KICS2: variants seen among roughly 807,000 people sequenced by gnomAD.
KICS2 encodes KICSTOR complex protein C12orf66.
Under a neutral mutation model 31.4 loss-of-function variants are expected in KICS2, and 13 were observed. The ratio of observed to expected loss-of-function variants is 0.41; its 90% confidence interval spans 0.27 to 0.66. KICS2 has a LOEUF of 0.66. KICS2 is among the 30% of genes least tolerant of loss of function. The pLI is 0.28. For missense variants in KICS2, 455 were observed against 545.4 expected, an observed-to-expected ratio of 0.83 and a Z score of 1.65; for synonymous variants, 209 against 214.8, an observed-to-expected ratio of 0.97 and a Z score of 0.24.
In KICS2 at chr12:64,191,392, T is replaced by C. The variant is rs963648058; in HGVS notation, c.*2450A>G. On this transcript the variant is annotated 3_prime_UTR_variant, in exon 3 of 3. Coordinates refer to ENST00000398055, the MANE Select transcript of KICS2 (RefSeq NM_152440.5). ...TTGTGTTTATGTTTAAAAATAGATA[T>C]ACAATTCAAATATGTTCTAGGTGAG... is the stretch of plus-strand genomic sequence containing the variant. The C allele has an allele frequency of 6.6e-6, 1 of 152,252 alleles. No homozygotes were observed. The highest frequency in any genetic ancestry group is 2.1e-4 in the South Asian group (1 of 4,834). 9.4% of individuals were successfully genotyped at this position (152,252 alleles called of 1,614,324 possible).
intron 2 of KICS2, among the ~76,000 whole-genome samples, chr12:64,195,908 C>A (rs1256680230): frequency 6.6e-6 from 1 of 152,206 alleles, no homozygotes; most frequent in Admixed American, 6.5e-5. Context: ...TAAAAAACGG[C>A]GCACCACGAG....
rs1423401209 is a variant in KICS2 at position 64,192,910 on chromosome 12, C to T, written c.*932G>A. Reference sequence around the variant, plus strand: ...CACAGTTGATTTTTAGCAAGTACAGCGTATGAAGACCTTCATTTTGATTTT... The same window carrying T: ...CACAGTTGATTTTTAGCAAGTACAGTGTATGAAGACCTTCATTTTGATTTT... On this transcript the variant is annotated 3_prime_UTR_variant, in exon 3 of 3. Coordinates refer to ENST00000398055, the MANE Select transcript of KICS2 (RefSeq NM_152440.5). 6 of 985,232 alleles carry T rather than the reference C, an allele frequency of 6.1e-6. No individual in the cohort carries two copies. The highest frequency in any genetic ancestry group is 1.1e-4 in the East Asian group (1 of 8,826). 61.0% of individuals were successfully genotyped at this position (985,232 alleles called of 1,614,324 possible). A position where few individuals can be genotyped will look rare whatever the true frequency, so the allele number is the denominator to read the frequency against.
At chr12:64,190,189 C>G (rs942151322), downstream of KICS2, among the ~76,000 whole-genome samples, 1 of 152,142 alleles carries the variant, frequency 6.6e-6, no homozygotes. Flanking sequence ...AGGAAAGGTG[C>G]CAAATTTAAG....
chr12:64,201,477 G>A (rs1346858635), intron 2 of KICS2, among the ~76,000 whole-genome samples: 1 of 90,634 alleles, frequency 1.1e-5, no homozygotes, highest in African/African-American at 4.4e-5. Context: ...AGGGGGGAGG[G>A]ATAGCATTGG....
At chr12:64,221,294 T>C (rs1333119477) in intron 1 of KICS2, among the ~76,000 whole-genome samples, 2 of 152,228 alleles carry the variant, frequency 1.3e-5, no homozygotes, top group Non-Finnish European at 2.9e-5. Context: ...AATTAAGCAG[T>C]AATATTATTT....
Position 64,194,570 on chromosome 12 carries a change from C to G in KICS2, c.610G>C (p.Val204Leu), listed in dbSNP as rs762325973. ...LCHLLKAQAQ[V>L]SEWKFLPSLV... The stretch of plus-strand genomic sequence containing the variant: ...GATGGGAGGAACTTCCACTCTGAGA[C>G]CTGGGCCTGGGCTTTCAGGAGATGA... The change falls in exon 3 of 3, where the codon GTC becomes CTC. Residue 204 changes from valine (V) to leucine (L), a missense_variant. Val to Leu is a conservative substitution (Grantham distance 32). Transcript: ENST00000398055. The G allele has an allele frequency of 3.1e-6, 5 of 1,614,134 alleles. No homozygotes were observed. Among genetic ancestry groups the G allele is most frequent in the Non-Finnish European group, 4.2e-6 (5 of 1,180,040 alleles).
At position 64,206,086 on chromosome 12, in the gene KICS2, T is replaced by C. The variant is rs1452267711; in HGVS notation, c.521+9592A>G. Among the ~76,000 whole-genome samples, 4 of 152,198 alleles carry C rather than the reference T, an allele frequency of 2.6e-5. 1 individual carries two copies. On this transcript the variant is annotated intron_variant, in intron 2 of 2. Coordinates refer to ENST00000398055, the MANE Select transcript of KICS2 (RefSeq NM_152440.5). ...GGCACACACCACAACACCCAGCTAA[T>C]TTTTAAATTTTTTTGTAGAGACAGG... is the stretch of plus-strand genomic sequence containing the variant.
downstream of KICS2, among the ~76,000 whole-genome samples, chr12:64,190,010 C>T (rs1348595806): frequency 6.6e-6 from 1 of 152,046 alleles, no homozygotes; most frequent in African/African-American, 2.4e-5. Flanking sequence ...TAAAATGATG[C>T]TATCAACCAA....
In KICS2 at chr12:64,192,165, C is replaced by T. The variant is rs575005905; in HGVS notation, c.*1677G>A. ...TTTTGAGACAGGTCTCGCTCTTTCA[C>T]CCAGGCTGGAGTGCAGCTGCACAGT... On this transcript the variant is annotated 3_prime_UTR_variant, in exon 3 of 3. Transcript: ENST00000398055. 1 of 151,160 alleles carries T rather than the reference C, an allele frequency of 6.6e-6. No homozygotes were observed. Among genetic ancestry groups the T allele is most frequent in the East Asian group, 1.9e-4 (1 of 5,138 alleles). 9.4% of individuals were successfully genotyped at this position (151,160 alleles called of 1,614,324 possible). A position where few individuals can be genotyped will look rare whatever the true frequency, so the allele number is the denominator to read the frequency against.
rs1049885244 is a variant in KICS2 at position 64,193,664 on chromosome 12, A to C, written c.*178T>G. 41 of 1,417,732 alleles carry C rather than the reference A, an allele frequency of 2.9e-5. No homozygotes were observed. The highest frequency in any genetic ancestry group is 4.3e-5 in the African/African-American group (3 of 69,462). 87.8% of individuals were successfully genotyped at this position (1,417,732 alleles called of 1,614,324 possible). ...GACCACTTCCTAGATTACTCTTTGGAAACTTAATTCAATTGGCCTTAATTG... is the reference window on the plus strand; with the variant it reads ...GACCACTTCCTAGATTACTCTTTGGCAACTTAATTCAATTGGCCTTAATTG... On this transcript the variant is annotated 3_prime_UTR_variant, in exon 3 of 3. Coordinates refer to ENST00000398055, the MANE Select transcript of KICS2 (RefSeq NM_152440.5).
intron 2 of KICS2, among the ~76,000 whole-genome samples, chr12:64,211,618 TA>T (rs1268195354): frequency 6.6e-6 from 1 of 151,476 alleles, no homozygotes; most frequent in Non-Finnish European, 1.5e-5. Context: ...GACTCCGTCT[TA>T]AAGAAAAAAA....
In KICS2 at chr12:64,194,316, C is replaced by T. The variant is rs754421258; in HGVS notation, c.864G>A (p.Thr288=). The T allele has an allele frequency of 1.1e-5, 17 of 1,613,942 alleles. No homozygotes were observed. The highest frequency in any genetic ancestry group is 1.6e-4 in the Middle Eastern group (1 of 6,084). ...AGTCTGGGTTAGCTTTTGCTGTCAACGTTTTCATTTCTGAAGCAGTCGTTT... is the reference window on the plus strand; with the variant it reads ...AGTCTGGGTTAGCTTTTGCTGTCAATGTTTTCATTTCTGAAGCAGTCGTTT... ...SRQTTASEMK[T]LTAKANPDFF... The change falls in exon 3 of 3, where the codon ACG becomes ACA. Residue 288 remains threonine (T), a synonymous_variant. Coordinates refer to ENST00000398055, the MANE Select transcript of KICS2 (RefSeq NM_152440.5).
intron 2 of KICS2, among the ~76,000 whole-genome samples, chr12:64,209,468 C>T (rs1227790563): frequency 6.6e-6 from 1 of 152,048 alleles, no homozygotes; most frequent in Admixed American, 6.6e-5. Context: ...GCCTGTAATT[C>T]CAGCTACTTT....
At position 64,194,275 on chromosome 12, in the gene KICS2, G is replaced by GA. The variant is rs2037410504; in HGVS notation, c.904dup (p.Ser302PhefsTer8). On this transcript the variant is annotated frameshift_variant, in exon 3 of 3. Coordinates refer to ENST00000398055, the MANE Select transcript of KICS2 (RefSeq NM_152440.5). LOFTEE classifies it high-confidence loss of function. ...AGCATCATATTTTCTGATGAAGCTG[G>GA]AAATCTTTCCAAAAAAGTCTGGGTT... 1 of 1,614,148 alleles carries GA rather than the reference G, an allele frequency of 6.2e-7. No individual in the cohort carries two copies. The highest frequency in any genetic ancestry group is 8.5e-7 in the Non-Finnish European group (1 of 1,180,022).
chr12:64,220,445 A>T (rs572780749), intron 1 of KICS2, among the ~76,000 whole-genome samples: 34 of 152,298 alleles, frequency 2.2e-4, no homozygotes, highest in Non-Finnish European at 4.6e-4. Flanking sequence ...AATTCAACTG[A>T]ACCCACTCAG....
downstream of KICS2, chr12:64,187,791 C>CA (rs2136681962): frequency 1.3e-5 from 8 of 634,710 alleles, no homozygotes; most frequent in South Asian, 1.8e-4. Context: ...TGAAAAAAAT[C>CA]AGAGGCTACT....
intron 2 of KICS2, among the ~76,000 whole-genome samples, chr12:64,196,270 C>T (rs1354050845): frequency 6.6e-4 from 93 of 140,470 alleles, no homozygotes; most frequent in South Asian, 1.2e-3. Context: ...GGCAGACTGC[C>T]TCCTCAAGTG....
intron 1 of KICS2, 44 bp downstream of exon 1, chr12:64,221,959 C>A (rs1449714406): frequency 6.3e-7 from 1 of 1,576,770 alleles, no homozygotes; most frequent in Non-Finnish European, 8.6e-7. Context: ...AATATACCCC[C>A]TTTACTTCCT....
intron 2 of KICS2, among the ~76,000 whole-genome samples, chr12:64,211,885 C>T (rs1035526984): frequency 3.9e-5 from 6 of 152,090 alleles, no homozygotes; most frequent in South Asian, 2.1e-4. Flanking sequence ...TATTATACAA[C>T]GGCAGAAAAT....
Sources: gnomAD v4.1 joint callset for allele counts (sites outside exome capture counted in the v4.1 genomes callset) on GRCh38, gnomAD v4.1.1 for gene constraint, MANE v1.5 for transcripts, NCBI Gene and HGNC (gene_info 2026-07-23, HGNC 2026-07-21) for gene names.